Variants in WDR17 observed in about 807,000 individuals in gnomAD.
WDR17 encodes WD repeat-containing protein 17.
A neutral mutation model predicts 161.7 loss-of-function variants in WDR17; 143 were observed. The ratio of observed to expected loss-of-function variants is 0.88; its 90% CI spans 0.77 to 1.02. The LOEUF (loss-of-function observed/expected upper bound fraction) is 1.02, where lower values mean the gene tolerates loss of function less well. Among genes scored for constraint, WDR17 ranks in the 50% least tolerant of loss-of-function variants. The probability of loss-of-function intolerance (pLI) is 0.00; values close to 1 mark genes in which losing one functional copy is unlikely to be tolerated. For synonymous variants in WDR17, 517 were observed against 515.6 expected (o/e 1.00, Z -0.04); for missense variants, 1,469 against 1,520.9 (o/e 0.97, Z 0.57).
chr4:176,099,323 G>A (rs1319472962), intron 1 of WDR17, among the ~76,000 whole-genome samples: 2 of 152,108 alleles, frequency 1.3e-5, no homozygotes, highest in Non-Finnish European at 2.9e-5. Context: ...AAACTAACCT[G>A]GGCATCACTG....
At chr4:176,092,807 T>C (rs1379551982) in intron 1 of WDR17, among the ~76,000 whole-genome samples, 1 of 151,540 alleles carries the variant, frequency 6.6e-6, no homozygotes, top group Non-Finnish European at 1.5e-5. Context: ...TTTGGGAGGG[T>C]GAGGTGGGTG....
In WDR17 at chr4:176,179,647, A is replaced by G; in HGVS notation, c.*68A>G. On this transcript the variant is annotated 3_prime_UTR_variant, in exon 29 of 29. Transcript: ENST00000508596. ...AACTTTCATGGGTTAGCATTACCTT[A>G]ATCTTTGTTGCTCAAGTGCCAGAGG... 7.1e-7 allele frequency: 1 copy of G among 1,405,006 alleles called. No individual in the cohort carries two copies. Among genetic ancestry groups the G allele is most frequent in the Non-Finnish European group, 9.3e-7 (1 of 1,069,598 alleles). The allele number at this position is 1,405,006 out of a possible 1,614,324, so 87.0% of individuals were successfully genotyped here.
chr4:176,087,354 G>A (rs2126614233), intron 1 of WDR17, among the ~76,000 whole-genome samples: 1 of 152,102 alleles, frequency 6.6e-6, no homozygotes, highest in East Asian at 1.9e-4. Flanking sequence ...ACTTTAAAAT[G>A]TAATTTCTTT....
intron 1 of WDR17, among the ~76,000 whole-genome samples, chr4:176,086,843 A>G (rs1053673371): frequency 7.9e-5 from 12 of 151,800 alleles, no homozygotes; most frequent in African/African-American, 2.6e-4. Flanking sequence ...TCTGATTTAC[A>G]ATTTTTAATT....
rs1752048689 is a variant in WDR17, at chr4:176,180,463, C to G, written c.*884C>G. On this transcript the variant is annotated 3_prime_UTR_variant, in exon 29 of 29. Coordinates refer to ENST00000508596, the MANE Select transcript of WDR17 (RefSeq NM_181265.4). ...GTGGCTCACACCTGTAATCTCAGCA[C>G]TTTGGCAGGCCAAGGCAGGTGGATC... is the stretch of plus-strand genomic sequence containing the variant. 1 of 152,298 alleles carries G rather than the reference C, an allele frequency of 6.6e-6. No individual in the cohort carries two copies. The highest frequency in any genetic ancestry group is 1.5e-5 in the Non-Finnish European group (1 of 68,120). 9.4% of individuals were successfully genotyped at this position (152,298 alleles called of 1,614,324 possible).
At position 176,163,255 on chromosome 4, in the gene WDR17, A is replaced by C. The variant is rs1283964506; in HGVS notation, c.2952A>C (p.Leu984Phe). The C allele has an allele frequency of 6.2e-7, 1 of 1,612,338 alleles. No individual in the cohort carries two copies. The highest frequency in any genetic ancestry group is 8.5e-7 in the Non-Finnish European group (1 of 1,179,496). ...CAGCACCAGCAACCCACTATGCCTT[A>C]GAATTACTGGCGAGAAAGTGCATGA... ...ESAAPATHYALELLARKCMMI... is the reference protein window; with the variant it reads ...ESAAPATHYAFELLARKCMMI... Residue 984 changes from leucine to phenylalanine, a missense_variant, in exon 22 of 29, where the codon TTA becomes TTC. Leu to Phe is a conservative substitution (Grantham distance 22). Coordinates refer to ENST00000508596, the MANE Select transcript of WDR17 (RefSeq NM_181265.4).
intron 3 of WDR17, among the ~76,000 whole-genome samples, chr4:176,118,615 C>G (rs560653089): frequency 6.6e-6 from 1 of 152,266 alleles, no homozygotes; most frequent in Admixed American, 6.5e-5. Context: ...ATATCATTTT[C>G]TCTTCCTGGG....
intron 17 of WDR17, among the ~76,000 whole-genome samples, chr4:176,155,735 A>ATATATATATATG (rs1457008509): frequency 1.4e-5 from 2 of 146,660 alleles, no homozygotes; most frequent in Non-Finnish European, 3.0e-5. Flanking sequence ...ATATATATAT[A>ATATATATATATG]TGTTTTGGTA....
At chr4:176,070,482 AGTTT>A (rs1435388525) in intron 1 of WDR17, among the ~76,000 whole-genome samples, 1 of 152,064 alleles carries the variant, frequency 6.6e-6, no homozygotes, top group Non-Finnish European at 1.5e-5. Context: ...GAGTTTAGTT[AGTTT>A]ATGTAGATCC....
At chr4:176,136,198 G>A (rs1207264441) in intron 8 of WDR17, among the ~76,000 whole-genome samples, 2 of 151,558 alleles carry the variant, frequency 1.3e-5, no homozygotes, top group Non-Finnish European at 3.0e-5. Flanking sequence ...ACAATGAGGA[G>A]AATTACAGAA....
In WDR17 at chr4:176,180,834, TA is replaced by T. The variant is rs1345719636; in HGVS notation, c.*1259del. On this transcript the variant is annotated 3_prime_UTR_variant, in exon 29 of 29. Transcript: ENST00000508596. Reference sequence around the variant, plus strand: ...TTGATTTAACTTTTAAAATGTTGTTTAAAAGTGTGAAGCTATGAAAAGCCTG... The same window carrying T: ...TTGATTTAACTTTTAAAATGTTGTTTAAAGTGTGAAGCTATGAAAAGCCTG... The T allele has an allele frequency of 6.6e-6, 1 of 152,242 alleles. No homozygotes were observed. The highest frequency in any genetic ancestry group is 2.4e-5 in the African/African-American group (1 of 41,460). 9.4% of individuals were successfully genotyped at this position (152,242 alleles called of 1,614,324 possible). A position where few individuals can be genotyped will look rare whatever the true frequency, so the allele number is the denominator to read the frequency against.
chr4:176,176,489 C>G (rs138690368), intron 26 of WDR17, among the ~76,000 whole-genome samples: 108 of 152,236 alleles, frequency 7.1e-4, no homozygotes, highest in African/African-American at 2.4e-3. Flanking sequence ...CCTTTCTATA[C>G]GGTGTCCTTC....
At chr4:176,125,431 A>G in intron 5 of WDR17, 76 bp downstream of exon 5, 2 of 1,527,436 alleles carry the variant, frequency 1.3e-6, no homozygotes, top group Middle Eastern at 1.8e-4. Context: ...ATTGTCCTTT[A>G]TAGGTTGATT....
At chr4:176,080,911 C>A (rs1734662961) in intron 1 of WDR17, among the ~76,000 whole-genome samples, 1 of 152,078 alleles carries the variant, frequency 6.6e-6, no homozygotes, top group Admixed American at 6.6e-5. Context: ...TTTTAGGAAT[C>A]TCCACCTACA....
At chr4:176,079,441 TA>T (rs1395489256) in intron 1 of WDR17, among the ~76,000 whole-genome samples, 3 of 152,130 alleles carry the variant, frequency 2.0e-5, no homozygotes, top group East Asian at 3.8e-4. Flanking sequence ...ATTGGAAAAA[TA>T]AAACCCAGTT....
chr4:176,149,842 G>A lies in WDR17; in HGVS notation c.1933G>A (p.Ala645Thr). Residue 645 changes from alanine (A) to threonine (T), a missense_variant, in exon 14 of 29, where the codon GCC becomes ACC. By Grantham distance (58) the Ala-to-Thr change is moderately conservative. Transcript: ENST00000508596. ...CCATCCCAGTCGCCCCTTCACTATGGCCTCTTGCTCCCGTGACTCTACAGT... is the reference window on the plus strand; with the variant it reads ...CCATCCCAGTCGCCCCTTCACTATGACCTCTTGCTCCCGTGACTCTACAGT... ...TCHPSRPFTM[A>T]SCSRDSTVRL... The A allele has an allele frequency of 6.2e-7, 1 of 1,613,758 alleles. No individual in the cohort carries two copies. Among genetic ancestry groups the A allele is most frequent in the Non-Finnish European group, 8.5e-7 (1 of 1,179,928 alleles).
chr4:176,100,572 G>A (rs1737659168), intron 1 of WDR17, among the ~76,000 whole-genome samples: 1 of 152,012 alleles, frequency 6.6e-6, no homozygotes, highest in Non-Finnish European at 1.5e-5. Context: ...TGGTTGTGCA[G>A]GAGCTCTTTA....
At chr4:176,158,333 T>C (rs1748482708) in intron 18 of WDR17, among the ~76,000 whole-genome samples, 1 of 152,158 alleles carries the variant, frequency 6.6e-6, no homozygotes, top group South Asian at 2.1e-4. Context: ...AAATTTGATA[T>C]ATCTAGGAGT....
Position 176,181,756 on chromosome 4 carries a change from T to A in WDR17, c.*2177T>A, listed in dbSNP as rs1233123589. On this transcript the variant is annotated 3_prime_UTR_variant, in exon 29 of 29. Transcript: ENST00000508596. Reference sequence around the variant, plus strand: ...ACATACTTAAAAGGATATCATTAAGTATATAAACAATCATTACTTCTGTAT... The same window carrying A: ...ACATACTTAAAAGGATATCATTAAGAATATAAACAATCATTACTTCTGTAT... 1 of 152,316 alleles carries A rather than the reference T, an allele frequency of 6.6e-6. No homozygotes were observed. The highest frequency in any genetic ancestry group is 1.5e-5 in the Non-Finnish European group (1 of 67,946). 9.4% of individuals were successfully genotyped at this position (152,316 alleles called of 1,614,324 possible).
Sources: allele counts gnomAD v4.1 joint callset (sites outside exome capture counted in the v4.1 genomes callset), GRCh38; gene constraint gnomAD v4.1.1; transcripts MANE v1.5; gene names NCBI Gene and HGNC (gene_info 2026-07-23, HGNC 2026-07-21).